The following SYT1 variants were observed in gnomAD, a reference collection of about 807,000 sequenced individuals.
SYT1 encodes synaptotagmin-1.
A neutral mutation model predicts 44.8 loss-of-function variants in SYT1; 8 were observed. The observed-to-expected ratio is 0.18, with a 90% confidence interval of 0.10 to 0.32. The LOEUF (loss-of-function observed/expected upper bound fraction) is 0.32. SYT1 is among the 10% of genes least tolerant of loss of function. The probability of loss-of-function intolerance (pLI) is 1.00; values close to 1 mark genes in which losing one functional copy is unlikely to be tolerated. For missense variants in SYT1, 286 were observed against 509.3 expected, an observed-to-expected ratio of 0.56 and a Z score of 4.22; for synonymous variants, 154 against 188.8, an observed-to-expected ratio of 0.82 and a Z score of 1.51.
At chr12:79,178,109 T>G (rs1195956420) in intron 3 of SYT1, among the ~76,000 whole-genome samples, 1 of 152,258 alleles carries the variant, frequency 6.6e-6, no homozygotes, top group African/African-American at 2.4e-5. Context: ...CATATTTCTA[T>G]TCTTATCATT....
chr12:78,999,914 T>A (rs1039512757), intron 2 of SYT1, among the ~76,000 whole-genome samples: 3 of 152,188 alleles, frequency 2.0e-5, no homozygotes, highest in Admixed American at 2.0e-4. Flanking sequence ...GTGCCGATTA[T>A]ACAACTGGAT....
At chr12:78,934,428 C>A (rs1476130133) in intron 1 of SYT1, among the ~76,000 whole-genome samples, 1 of 151,774 alleles carries the variant, frequency 6.6e-6, no homozygotes, top group Non-Finnish European at 1.5e-5. Flanking sequence ...TCTCAGCTAC[C>A]CAGGAAGCTG....
intron 3 of SYT1, among the ~76,000 whole-genome samples, chr12:79,168,785 G>T (rs1395627306): frequency 6.6e-6 from 1 of 151,874 alleles, no homozygotes; most frequent in African/African-American, 2.4e-5. Flanking sequence ...AGATGAGAGG[G>T]TAATTATCTA....
At chr12:79,234,402 T>C (rs1876052579) in intron 4 of SYT1, among the ~76,000 whole-genome samples, 1 of 152,218 alleles carries the variant, frequency 6.6e-6, no homozygotes, top group African/African-American at 2.4e-5. Context: ...TCTAGTTCCT[T>C]TCTAGCAATC....
At chr12:79,088,934 T>C (rs1189684443) in intron 3 of SYT1, among the ~76,000 whole-genome samples, 1 of 152,008 alleles carries the variant, frequency 6.6e-6, no homozygotes, top group Non-Finnish European at 1.5e-5. Flanking sequence ...GAAGCTTCCA[T>C]TTCTTGAGAT....
At chr12:79,270,769 A>G (rs1174346259) in intron 4 of SYT1, among the ~76,000 whole-genome samples, 3 of 152,176 alleles carry the variant, frequency 2.0e-5, no homozygotes, top group Admixed American at 2.0e-4. Context: ...AATCAGTGCT[A>G]AGGAAAAGCC....
intron 3 of SYT1, among the ~76,000 whole-genome samples, chr12:79,162,039 C>T (rs1331909324): frequency 6.6e-6 from 1 of 152,108 alleles, no homozygotes; most frequent in African/African-American, 2.4e-5. Context: ...TTACTCTATT[C>T]TCATTTTTCT....
intron 9 of SYT1, among the ~76,000 whole-genome samples, chr12:79,433,307 C>A (rs1161163589): frequency 6.6e-6 from 1 of 152,050 alleles, no homozygotes; most frequent in Admixed American, 6.5e-5. Flanking sequence ...TATAAGATAC[C>A]CTCTATTCTC....
At chr12:79,271,793 A>C (rs1878440658) in intron 4 of SYT1, among the ~76,000 whole-genome samples, 1 of 152,208 alleles carries the variant, frequency 6.6e-6, no homozygotes, top group African/African-American at 2.4e-5. Flanking sequence ...TGTTTGTATT[A>C]ATATCAGTGC....
At chr12:79,133,237 G>A (rs1347526767) in intron 3 of SYT1, among the ~76,000 whole-genome samples, 1 of 151,918 alleles carries the variant, frequency 6.6e-6, no homozygotes, top group Non-Finnish European at 1.5e-5. Flanking sequence ...GCTAGAAGAG[G>A]GTCAGGTGCA....
chr12:79,069,985 C>T (rs551091353), intron 3 of SYT1, among the ~76,000 whole-genome samples: 2 of 152,128 alleles, frequency 1.3e-5, no homozygotes, highest in African/African-American at 4.8e-5. Context: ...TAATGCTTTG[C>T]AGGGTTATAA....
chr12:78,891,574 G>C (rs1238515197), intron 1 of SYT1, among the ~76,000 whole-genome samples: 1 of 151,894 alleles, frequency 6.6e-6, no homozygotes, highest in Non-Finnish European at 1.5e-5. Flanking sequence ...GAATTTTAAA[G>C]TCTCCACGGT....
intron 3 of SYT1, among the ~76,000 whole-genome samples, chr12:79,205,089 C>T (rs1004472893): frequency 1.5e-4 from 23 of 151,560 alleles, no homozygotes; most frequent in African/African-American, 4.9e-4. Flanking sequence ...CTCAGCCTCC[C>T]GAGTAGCTGG....
At chr12:79,101,799 C>G (rs1442537146) in intron 3 of SYT1, among the ~76,000 whole-genome samples, 1 of 151,974 alleles carries the variant, frequency 6.6e-6, no homozygotes, top group African/African-American at 2.4e-5. Flanking sequence ...CCCAGCTACT[C>G]GAGGGCTGAG....
chr12:78,925,378 A>G (rs1339600737), intron 1 of SYT1, among the ~76,000 whole-genome samples: 2 of 151,998 alleles, frequency 1.3e-5, no homozygotes, highest in Admixed American at 1.3e-4. Flanking sequence ...GACTCAGAGT[A>G]CATAGTTCTA....
At chr12:79,056,843 A>G (rs1874984458) in intron 3 of SYT1, among the ~76,000 whole-genome samples, 1 of 152,162 alleles carries the variant, frequency 6.6e-6, no homozygotes, top group African/African-American at 2.4e-5. Flanking sequence ...ATGATACAGA[A>G]TACTGTTTCT....
chr12:79,364,333 G>A (rs998223132), intron 9 of SYT1, among the ~76,000 whole-genome samples: 9 of 149,418 alleles, frequency 6.0e-5, no homozygotes, highest in African/African-American at 1.5e-4. Flanking sequence ...ATACCTCAAC[G>A]ACAGTCATAA....
At chr12:79,102,535 G>A (rs1018712236) in intron 3 of SYT1, among the ~76,000 whole-genome samples, 3 of 152,200 alleles carry the variant, frequency 2.0e-5, no homozygotes, top group Non-Finnish European at 2.9e-5. Context: ...CTAAAATGCT[G>A]TATGGTTCAC....
chr12:79,271,336 T>C (rs1369435542), intron 4 of SYT1, among the ~76,000 whole-genome samples: 2 of 152,226 alleles, frequency 1.3e-5, no homozygotes. Flanking sequence ...CCGAGAGTTA[T>C]ATTTTTATTG....
Sources: allele counts gnomAD v4.1 joint callset (sites outside exome capture counted in the v4.1 genomes callset), GRCh38; gene constraint gnomAD v4.1.1; transcripts MANE v1.5; gene names NCBI Gene and HGNC (gene_info 2026-07-23, HGNC 2026-07-21).